CNTN5: variants seen among roughly 807,000 people sequenced by gnomAD.
CNTN5 encodes contactin 5.
In CNTN5, 77 loss-of-function variants were observed where a neutral mutation model predicts 129.1. That is an observed-to-expected ratio of 0.60 (90% confidence interval 0.50 to 0.72). The LOEUF (loss-of-function observed/expected upper bound fraction) is 0.72. Ranked by LOEUF, CNTN5 falls within the 30% of genes least tolerant of loss-of-function variation. CNTN5 has a pLI of 0.00. For missense variants in CNTN5, 1,478 were observed against 1,328.8 expected, an observed-to-expected ratio of 1.11 and a Z score of -1.75; for synonymous variants, 509 against 465.6, an observed-to-expected ratio of 1.09 and a Z score of -1.20.
intron 24 of CNTN5, 48 bp from the exon 25 acceptor site, chr11:100,356,069 A>C (rs368182039): frequency 7.6e-6 from 10 of 1,324,272 alleles, no homozygotes; most frequent in Non-Finnish European, 1.1e-5. Flanking sequence ...GTCCTAGCTC[A>C]AGCAAAACCA....
intron 2 of CNTN5, among the ~76,000 whole-genome samples, chr11:99,428,953 TA>T (rs759657341): frequency 1.3e-5 from 2 of 152,052 alleles, no homozygotes. Flanking sequence ...GCCTTATTTA[TA>T]AAAAAATTAC....
At chr11:99,085,267 G>A (rs1159184665) in intron 1 of CNTN5, among the ~76,000 whole-genome samples, 7 of 152,024 alleles carry the variant, frequency 4.6e-5, no homozygotes, top group South Asian at 4.1e-4. Flanking sequence ...GGTGGTTCTC[G>A]AACTCCTGAC....
At chr11:99,800,369 G>A (rs998301384) in intron 3 of CNTN5, among the ~76,000 whole-genome samples, 1 of 152,132 alleles carries the variant, frequency 6.6e-6, no homozygotes, top group African/African-American at 2.4e-5. Context: ...GACCCAGCAT[G>A]TAGTTGATGT....
chr11:99,578,398 C>T (rs994424696), intron 3 of CNTN5, among the ~76,000 whole-genome samples: 8 of 145,906 alleles, frequency 5.5e-5, no homozygotes, highest in African/African-American at 2.0e-4. Context: ...CCTGAGGAAT[C>T]GCCACAATGA....
At chr11:99,344,600 A>G (rs1050757172) in intron 2 of CNTN5, among the ~76,000 whole-genome samples, 1 of 152,192 alleles carries the variant, frequency 6.6e-6, no homozygotes, top group African/African-American at 2.4e-5. Flanking sequence ...TAATGTAGCA[A>G]AGCAGATCAT....
chr11:100,338,254 T>C (rs1334020973), intron 21 of CNTN5, among the ~76,000 whole-genome samples: 1 of 152,220 alleles, frequency 6.6e-6, no homozygotes, highest in Non-Finnish European at 1.5e-5. Flanking sequence ...TATGTCGTGG[T>C]AGTTAAAATG....
At chr11:99,066,654 T>C (rs930446075) in intron 1 of CNTN5, among the ~76,000 whole-genome samples, 6 of 152,108 alleles carry the variant, frequency 3.9e-5, no homozygotes, top group African/African-American at 1.4e-4. Context: ...ACCTAAGCCA[T>C]GTATGTAAAG....
chr11:99,031,483 G>A (rs539801213), intron 1 of CNTN5, among the ~76,000 whole-genome samples: 1 of 151,982 alleles, frequency 6.6e-6, no homozygotes, highest in East Asian at 1.9e-4. Context: ...AAAGGTATGA[G>A]AAAAATTTAT....
rs140615397 is a variant in CNTN5 at position 99,675,880 on chromosome 11, C to T, written c.55+119611C>T. ...ATTTCATTTCCTTGCAAAAAGGAAA[C>T]AATTGTATCTGACTTGTTACTCTCT... On this transcript the variant is annotated intron_variant, in intron 3 of 24. Coordinates refer to ENST00000524871, the MANE Select transcript of CNTN5 (RefSeq NM_014361.4). Among the ~76,000 whole-genome samples, 390 of 152,122 alleles carry T rather than the reference C, an allele frequency of 2.6e-3. 2 individuals carry two copies. Among genetic ancestry groups the T allele is most frequent in the African/African-American group, 8.7e-3 (361 of 41,516 alleles).
At chr11:100,239,530 A>G (rs1591426780) in intron 16 of CNTN5, among the ~76,000 whole-genome samples, 3 of 152,320 alleles carry the variant, frequency 2.0e-5, no homozygotes, top group Non-Finnish European at 4.4e-5. Context: ...TAATGTTTAC[A>G]TAGGACTTTG....
intron 1 of CNTN5, among the ~76,000 whole-genome samples, chr11:99,099,166 AAGGAGTTTGTTATG>A (rs1866607123): frequency 6.6e-6 from 1 of 152,144 alleles, no homozygotes; most frequent in Non-Finnish European, 1.5e-5. Flanking sequence ...GATAAATCAA[AAGGAGTTTGTTATG>A]AGTAGGCATT....
chr11:99,615,114 A>G (rs958307900), intron 3 of CNTN5, among the ~76,000 whole-genome samples: 2 of 149,280 alleles, frequency 1.3e-5, no homozygotes, highest in African/African-American at 4.9e-5. Context: ...TGTATATAAG[A>G]AAATGTATCT....
At chr11:99,276,529 C>T (rs1046689329) in intron 1 of CNTN5, among the ~76,000 whole-genome samples, 1 of 151,414 alleles carries the variant, frequency 6.6e-6, no homozygotes, top group African/African-American at 2.4e-5. Context: ...CTACTTTTCT[C>T]ATCTATAAAG....
At chr11:99,807,382 G>A (rs1209372228) in intron 3 of CNTN5, among the ~76,000 whole-genome samples, 1 of 152,094 alleles carries the variant, frequency 6.6e-6, no homozygotes, top group Non-Finnish European at 1.5e-5. Flanking sequence ...TTCCTGTTTG[G>A]TTATATATGA....
intron 3 of CNTN5, among the ~76,000 whole-genome samples, chr11:99,763,128 T>C (rs1944641802): frequency 8.6e-6 from 1 of 115,986 alleles, no homozygotes. Context: ...TATACTTTAC[T>C]GTATCAACAA....
At chr11:99,871,841 G>A (rs1182967697) in intron 6 of CNTN5, among the ~76,000 whole-genome samples, 1 of 151,696 alleles carries the variant, frequency 6.6e-6, no homozygotes, top group Non-Finnish European at 1.5e-5. Flanking sequence ...TTATTAGTTT[G>A]GTTGGTTTAC....
chr11:99,422,297 T>A (rs544562462), intron 2 of CNTN5, among the ~76,000 whole-genome samples: 2 of 152,110 alleles, frequency 1.3e-5, no homozygotes, highest in South Asian at 2.1e-4. Flanking sequence ...TTGATATTTT[T>A]GTTTTTTAAG....
intron 9 of CNTN5, among the ~76,000 whole-genome samples, chr11:100,014,333 A>T (rs1412528486): frequency 6.6e-6 from 1 of 152,124 alleles, no homozygotes; most frequent in Non-Finnish European, 1.5e-5. Flanking sequence ...AATCTGCCAG[A>T]CATTTAAAAC....
chr11:99,540,221 A>G (rs1358417832), intron 2 of CNTN5, among the ~76,000 whole-genome samples: 1 of 152,214 alleles, frequency 6.6e-6, no homozygotes, highest in African/African-American at 2.4e-5. Flanking sequence ...AGGCCTAAGA[A>G]CTAATGATAA....
Sources: gnomAD v4.1 joint callset for allele counts (sites outside exome capture counted in the v4.1 genomes callset) on GRCh38, gnomAD v4.1.1 for gene constraint, MANE v1.5 for transcripts, NCBI Gene and HGNC (gene_info 2026-07-23, HGNC 2026-07-21) for gene names.